Variants in PTPN3 observed in about 807,000 individuals in gnomAD.
PTPN3 encodes protein tyrosine phosphatase non-receptor type 3.
Under a neutral mutation model 132.7 loss-of-function variants are expected in PTPN3, and 96 were observed. The ratio of observed to expected loss-of-function variants is 0.72; its 90% CI spans 0.61 to 0.86. The LOEUF is 0.86. Ranked by LOEUF, PTPN3 falls within the 40% of genes least tolerant of loss-of-function variation. The pLI is 0.00. For synonymous variants in PTPN3, 398 were observed against 429.0 expected (o/e 0.93, Z 0.89); for missense variants, 1,125 against 1,159.6 (o/e 0.97, Z 0.43).
chr9:109,414,344 T>C (rs192289801), intron 14 of PTPN3, among the ~76,000 whole-genome samples: 54 of 152,316 alleles, frequency 3.5e-4, no homozygotes, highest in African/African-American at 1.3e-3. Flanking sequence ...TCTGAGATTC[T>C]GCATTCCGAC....
At chr9:109,406,745 T>A in intron 17 of PTPN3, 127 bp from the exon 18 acceptor site, 1 of 1,168,176 alleles carries the variant, frequency 8.6e-7, no homozygotes, top group Non-Finnish European at 1.2e-6. Flanking sequence ...CCTCGGGTAG[T>A]ACTGTCATTA....
intron 19 of PTPN3, among the ~76,000 whole-genome samples, chr9:109,403,773 A>G (rs1380067120): frequency 2.0e-5 from 3 of 152,228 alleles, no homozygotes; most frequent in Admixed American, 2.0e-4. Context: ...TGATCAGTAA[A>G]ACTGGCTTAA....
chr9:109,470,008 C>T (rs780683073), intron 1 of PTPN3, among the ~76,000 whole-genome samples: 10 of 151,986 alleles, frequency 6.6e-5, no homozygotes, highest in South Asian at 4.2e-4. Context: ...CCAATTCTTC[C>T]CTATGAACTC....
the PTPN3 span, among the ~76,000 whole-genome samples, chr9:109,527,740 A>G: frequency 6.6e-6 from 1 of 152,244 alleles, no homozygotes; most frequent in Non-Finnish European, 1.5e-5. Context: ...TAAAACATGT[A>G]CAACTATTGC....
At chr9:109,466,943 A>G (rs10512394) in intron 1 of PTPN3, among the ~76,000 whole-genome samples, 43,897 of 152,002 alleles carry the variant, frequency 0.29, 6,874 homozygotes, top group South Asian at 0.4. Flanking sequence ...ACTTGGTCTC[A>G]TATCATTATA....
At chr9:109,462,384 G>A (rs540964482) in intron 2 of PTPN3, among the ~76,000 whole-genome samples, 12 of 152,334 alleles carry the variant, frequency 7.9e-5, no homozygotes, top group Admixed American at 1.3e-4. Context: ...TGGGGTGTGC[G>A]GAAGACCCAG....
chr9:109,467,119 A>G (rs1225183210), intron 1 of PTPN3, among the ~76,000 whole-genome samples: 1 of 152,226 alleles, frequency 6.6e-6, no homozygotes, highest in Non-Finnish European at 1.5e-5. Context: ...TTCCAATGAA[A>G]ATGTCATCAG....
intron 24 of PTPN3, 85 bp from the exon 25 acceptor site, chr9:109,381,872 A>G: frequency 6.6e-7 from 1 of 1,523,836 alleles, no homozygotes; most frequent in Non-Finnish European, 9.1e-7. Context: ...GCTGACTCCA[A>G]AGGGGCTTTC....
At chr9:109,533,177 G>C in the PTPN3 span, among the ~76,000 whole-genome samples, 2 of 105,458 alleles carry the variant, frequency 1.9e-5, no homozygotes, top group African/African-American at 7.5e-5. Context: ...TCGCTCTGTC[G>C]CCCAGGCCGG....
chr9:109,415,527 G>A (rs917989179), intron 14 of PTPN3, among the ~76,000 whole-genome samples: 8 of 152,226 alleles, frequency 5.3e-5, no homozygotes, highest in Non-Finnish European at 1.2e-4. Context: ...ATTCTTGGAT[G>A]TGTATTTCAG....
At chr9:109,497,470 G>A (rs886357123) in intron 1 of PTPN3, among the ~76,000 whole-genome samples, 1 of 152,126 alleles carries the variant, frequency 6.6e-6, no homozygotes, top group African/African-American at 2.4e-5. Flanking sequence ...TTGAACGGAG[G>A]TCTCCAGTTT....
chr9:109,452,183 G>A (rs1032218588), intron 5 of PTPN3, among the ~76,000 whole-genome samples: 3 of 147,548 alleles, frequency 2.0e-5, no homozygotes, highest in African/African-American at 5.1e-5. Context: ...CAGGAGAATC[G>A]CTTGAACCCG....
At chr9:109,465,640 C>A (rs923725005) in intron 1 of PTPN3, among the ~76,000 whole-genome samples, 1 of 129,602 alleles carries the variant, frequency 7.7e-6, no homozygotes, top group Admixed American at 9.8e-5. Flanking sequence ...ACCCAGGAGG[C>A]GGAGGCTGCA....
At chr9:109,490,495 T>C (rs1847408530) in intron 1 of PTPN3, among the ~76,000 whole-genome samples, 2 of 152,148 alleles carry the variant, frequency 1.3e-5, no homozygotes, top group African/African-American at 4.8e-5. Flanking sequence ...CCCAGCACTT[T>C]GGGAGGCCGA....
chr9:109,382,384 C>A lies in PTPN3; in HGVS notation c.2446G>T (p.Asp816Tyr). The A allele has an allele frequency of 6.2e-7, 1 of 1,614,116 alleles. No homozygotes were observed. Among genetic ancestry groups the A allele is most frequent in the Non-Finnish European group, 8.5e-7 (1 of 1,179,964 alleles). ...YVAWPDHGVP[D>Y]DSSDFLEFVN... ...AATTCCAGAAAGTCGGAGGAGTCAT[C>A]GGGCACACCGTGGTCAGGCCATGCG... The change falls in exon 24 of 26, where the codon GAT (aspartate) becomes TAT (tyrosine). Residue 816 changes from aspartate to tyrosine, a missense_variant. Coordinates refer to ENST00000374541, the MANE Select transcript of PTPN3 (RefSeq NM_002829.4).
intron 4 of PTPN3, 100 bp downstream of exon 4, chr9:109,457,073 A>C: frequency 1.6e-6 from 2 of 1,263,500 alleles, no homozygotes; most frequent in Non-Finnish European, 2.3e-6. Context: ...ACCCGGAACT[A>C]CAGGTACCAG....
chr9:109,445,662 TA>T (rs1261671302), intron 6 of PTPN3, among the ~76,000 whole-genome samples: 1 of 152,162 alleles, frequency 6.6e-6, no homozygotes, highest in African/African-American at 2.4e-5. Context: ...ATCTTTCTAG[TA>T]AAGACCTGAG....
At chr9:109,472,935 A>G (rs1037953573) in intron 1 of PTPN3, among the ~76,000 whole-genome samples, 2 of 152,246 alleles carry the variant, frequency 1.3e-5, no homozygotes, top group African/African-American at 4.8e-5. Flanking sequence ...ATATACTAAA[A>G]CATTAATTTT....
Position 109,376,747 on chromosome 9 carries a change from C to T in PTPN3, c.*2809G>A, listed in dbSNP as rs1413326836. On this transcript the variant is annotated 3_prime_UTR_variant, in exon 26 of 26. Transcript: ENST00000374541. The stretch of plus-strand genomic sequence containing the variant: ...CTAAAAAAAGGCTTAAGTATAATTG[C>T]TTAAGTGTATAAGGTGGTGAAACAG... 6.6e-6 allele frequency: 1 copy of T among 152,198 alleles called. No homozygotes were observed. The highest frequency in any genetic ancestry group is 1.5e-5 in the Non-Finnish European group (1 of 68,034). 9.4% of individuals were successfully genotyped at this position (152,198 alleles called of 1,614,324 possible).
Sources: gnomAD v4.1 joint callset for allele counts (sites outside exome capture counted in the v4.1 genomes callset) on GRCh38, gnomAD v4.1.1 for gene constraint, MANE v1.5 for transcripts, NCBI Gene and HGNC (gene_info 2026-07-23, HGNC 2026-07-21) for gene names.